The following ADAM12 variants were observed in gnomAD, a reference collection of about 807,000 sequenced individuals.
ADAM12 encodes disintegrin and metalloproteinase domain-containing protein 12.
A neutral mutation model predicts 106.4 loss-of-function variants in ADAM12; 70 were observed. That is an observed-to-expected ratio of 0.66 (90% confidence interval 0.54 to 0.80). The LOEUF (loss-of-function observed/expected upper bound fraction) is 0.80, where lower values mean the gene tolerates loss of function less well. Among genes scored for constraint, ADAM12 ranks in the 30% least tolerant of loss-of-function variants. The probability of loss-of-function intolerance (pLI) is 0.00; values close to 1 mark genes in which losing one functional copy is unlikely to be tolerated. For missense variants in ADAM12, 1,010 were observed against 1,171.9 expected (o/e 0.86, Z 2.02); for synonymous variants, 420 against 433.5 (o/e 0.97, Z 0.39).
intron 14 of ADAM12, among the ~76,000 whole-genome samples, chr10:126,058,211 G>A (rs959393765): frequency 3.9e-5 from 6 of 152,200 alleles, no homozygotes; most frequent in Non-Finnish European, 7.3e-5. Context: ...CTCCTGAGAG[G>A]CCCCAGGGCT....
intron 7 of ADAM12, among the ~76,000 whole-genome samples, chr10:126,109,223 T>C (rs1233243006): frequency 6.6e-6 from 1 of 152,142 alleles, no homozygotes; most frequent in African/African-American, 2.4e-5. Context: ...TGAGAAAATA[T>C]CACCCAATCA....
At chr10:126,352,740 G>A (rs1469183999) in intron 1 of ADAM12, among the ~76,000 whole-genome samples, 1 of 152,244 alleles carries the variant, frequency 6.6e-6, no homozygotes, top group Admixed American at 6.5e-5. Flanking sequence ...TGCTGAGCAG[G>A]GGAAGGGCTG....
In ADAM12 at chr10:126,325,733, C is replaced by T. The variant is rs75913708; in HGVS notation, c.186+4679G>A. Reference sequence around the variant, plus strand: ...TTTTGACATGTCTTCGCTGGTTCCGCGGTTAATTTTTTCAAGACATGAAAT... The same window carrying T: ...TTTTGACATGTCTTCGCTGGTTCCGTGGTTAATTTTTTCAAGACATGAAAT... On this transcript the variant is annotated intron_variant, in intron 2 of 22. Transcript: ENST00000448723. 7.5e-3 allele frequency among the ~76,000 whole-genome samples: 1,148 copies of T among 152,206 alleles called. 15 individuals are homozygous for T. The highest frequency in any genetic ancestry group is 0.027 in the African/African-American group (1,111 of 41,540).
At chr10:126,149,511 G>T (rs1956690643) in intron 4 of ADAM12, among the ~76,000 whole-genome samples, 1 of 152,214 alleles carries the variant, frequency 6.6e-6, no homozygotes, top group African/African-American at 2.4e-5. Flanking sequence ...GTGTCTGTGA[G>T]GGTGTTGCCA....
intron 1 of ADAM12, among the ~76,000 whole-genome samples, chr10:126,350,033 C>T (rs1233200063): frequency 2.0e-5 from 3 of 152,290 alleles, no homozygotes; most frequent in Middle Eastern, 3.4e-3. Context: ...TGTGATTGCA[C>T]GTGGACACAG....
At chr10:126,183,684 A>C (rs777202062) in intron 3 of ADAM12, among the ~76,000 whole-genome samples, 27 of 152,244 alleles carry the variant, frequency 1.8e-4, no homozygotes, top group Non-Finnish European at 2.9e-4. Flanking sequence ...AAGTGCTTTG[A>C]GTATGACAGT....
chr10:126,247,306 T>G (rs1958649735), intron 3 of ADAM12, among the ~76,000 whole-genome samples: 1 of 152,214 alleles, frequency 6.6e-6, no homozygotes, highest in Admixed American at 6.5e-5. Context: ...ATAAAATGTT[T>G]ATGTATAATA....
At chr10:126,110,539 G>A (rs1485346308) in intron 6 of ADAM12, among the ~76,000 whole-genome samples, 1 of 152,118 alleles carries the variant, frequency 6.6e-6, no homozygotes, top group Non-Finnish European at 1.5e-5. Context: ...AAAAAACTAA[G>A]ACTGCAATAT....
At chr10:126,075,183 G>A (rs937851582) in intron 11 of ADAM12, among the ~76,000 whole-genome samples, 3 of 152,148 alleles carry the variant, frequency 2.0e-5, no homozygotes, top group Non-Finnish European at 2.9e-5. Context: ...ATGACGAATG[G>A]TGATGAGGCT....
chr10:126,111,811 G>A (rs1456390131), intron 6 of ADAM12, among the ~76,000 whole-genome samples: 3 of 152,200 alleles, frequency 2.0e-5, no homozygotes, highest in South Asian at 4.2e-4. Context: ...GGGAGTCGCC[G>A]GCTCAGGGCG....
intron 2 of ADAM12, among the ~76,000 whole-genome samples, chr10:126,315,076 C>T (rs772659099): frequency 6.6e-6 from 1 of 152,134 alleles, no homozygotes; most frequent in Non-Finnish European, 1.5e-5. Flanking sequence ...ACTCATTTGC[C>T]GTCATGGTTG....
At chr10:126,357,016 A>G (rs533102375) in intron 1 of ADAM12, among the ~76,000 whole-genome samples, 72 of 152,256 alleles carry the variant, frequency 4.7e-4, no homozygotes, top group African/African-American at 1.7e-3. Context: ...CAGAAGAAGA[A>G]AGAGAAAAAG....
intron 2 of ADAM12, 104 bp from the exon 3 acceptor site, chr10:126,279,092 G>T: frequency 1.2e-6 from 1 of 816,482 alleles, no homozygotes; most frequent in Non-Finnish European, 2.0e-6. Context: ...TAAACGATGC[G>T]GTCAACCTAA....
At chr10:126,383,647 T>C (rs1215189659) in intron 1 of ADAM12, among the ~76,000 whole-genome samples, 2 of 151,974 alleles carry the variant, frequency 1.3e-5, no homozygotes, top group East Asian at 3.9e-4. Flanking sequence ...ACAAGCAGAA[T>C]ACCATCAACT....
chr10:126,374,543 C>T (rs190977071), intron 1 of ADAM12, among the ~76,000 whole-genome samples: 14 of 152,062 alleles, frequency 9.2e-5, no homozygotes, highest in East Asian at 3.9e-4. Context: ...AGCTTCCATA[C>T]GTGAAAAAGT....
chr10:126,342,718 G>A (rs1854973365), intron 1 of ADAM12, among the ~76,000 whole-genome samples: 1 of 152,184 alleles, frequency 6.6e-6, no homozygotes, highest in Non-Finnish European at 1.5e-5. Flanking sequence ...AAGAACATTT[G>A]TAGGCTGAGA....
At chr10:126,042,103 T>C (rs1554960760) in intron 18 of ADAM12, 4 of 1,610,894 alleles carry the variant, frequency 2.5e-6, no homozygotes, top group African/African-American at 1.3e-5. Flanking sequence ...GCAGCAGCAC[T>C]GGTCACGGTC....
At chr10:126,118,016 C>T in intron 6 of ADAM12, 22 bp downstream of exon 6, 1 of 1,609,890 alleles carries the variant, frequency 6.2e-7, no homozygotes, top group Non-Finnish European at 8.5e-7. Context: ...TCCAGAAACA[C>T]AAAATCAGGT....
intron 3 of ADAM12, among the ~76,000 whole-genome samples, chr10:126,185,673 C>A (rs1957388002): frequency 6.6e-6 from 1 of 151,808 alleles, no homozygotes; most frequent in Non-Finnish European, 1.5e-5. Flanking sequence ...GTAAGACACA[C>A]CACCCATGGG....
Sources: gnomAD v4.1 joint callset for allele counts (sites outside exome capture counted in the v4.1 genomes callset) on GRCh38, gnomAD v4.1.1 for gene constraint, MANE v1.5 for transcripts, NCBI Gene and HGNC (gene_info 2026-07-23, HGNC 2026-07-21) for gene names.